Variants in DNAH17 observed in about 807,000 individuals in gnomAD.
The protein encoded by DNAH17 is dynein axonemal heavy chain 17.
DNAH17 carries 376 observed loss-of-function variants against 485.6 expected under a neutral mutation model. The observed-to-expected ratio is 0.77, with a 90% CI of 0.71 to 0.84. The LOEUF is 0.84. DNAH17 is among the 40% of genes least tolerant of loss of function. The pLI, the probability that DNAH17 is intolerant of heterozygous loss-of-function variation, is 0.00. For missense variants in DNAH17, 6,370 were observed against 5,839.3 expected (o/e 1.09, Z -2.96); for synonymous variants, 3,031 against 2,405.9 (o/e 1.26, Z -7.60).
chr17:78,567,611 G>A (rs2092288606), intron 9 of DNAH17, among the ~76,000 whole-genome samples: 1 of 152,132 alleles, frequency 6.6e-6, no homozygotes, highest in South Asian at 2.1e-4. Flanking sequence ...AGAGTGCCGT[G>A]TCCCGAAGGT....
In DNAH17 at chr17:78,553,266, C is replaced by T. The variant is rs55990639; in HGVS notation, c.2179-461G>A. Among the ~76,000 whole-genome samples, 653 of 139,154 alleles carry T rather than the reference C, an allele frequency of 4.7e-3. 5 individuals carry two copies. The highest frequency in any genetic ancestry group is 0.017 in the African/African-American group (622 of 37,170). The allele number at this position is 139,154 out of a possible 152,430, so 91.3% of individuals were successfully genotyped here. On this transcript the variant is annotated intron_variant, in intron 14 of 80. Coordinates refer to ENST00000389840, the MANE Select transcript of DNAH17 (RefSeq NM_173628.4). ...AAACCTCTTTTCTTTATAAATTACC[C>T]AGTCCCAGGTTTTTGTGTTTTTTTT...
At chr17:78,567,697 C>A (rs966988213) in intron 9 of DNAH17, among the ~76,000 whole-genome samples, 2 of 152,196 alleles carry the variant, frequency 1.3e-5, no homozygotes, top group Non-Finnish European at 2.9e-5. Flanking sequence ...CGGTGTGGCT[C>A]ATGCCCCCTC....
intron 47 of DNAH17, 105 bp from the exon 48 acceptor site, chr17:78,485,138 T>C (rs758159048): frequency 3.0e-5 from 42 of 1,407,206 alleles, no homozygotes; most frequent in Non-Finnish European, 3.8e-5. Flanking sequence ...AGGTGGGACC[T>C]GGCTGGGATC....
intron 75 of DNAH17, among the ~76,000 whole-genome samples, chr17:78,430,328 ATTC>A (rs1461065169): frequency 6.6e-6 from 1 of 151,890 alleles, no homozygotes; most frequent in Non-Finnish European, 1.5e-5. Flanking sequence ...AAGATAATTG[ATTC>A]TTTTTTGGTA....
At chr17:78,526,271 G>A (rs1007827443) in intron 24 of DNAH17, among the ~76,000 whole-genome samples, 2 of 152,222 alleles carry the variant, frequency 1.3e-5, no homozygotes, top group Non-Finnish European at 2.9e-5. Flanking sequence ...GAGATGGCAG[G>A]TGAGTATTAA....
intron 27 of DNAH17, among the ~76,000 whole-genome samples, chr17:78,508,964 C>T (rs2090562086): frequency 7.9e-6 from 1 of 126,264 alleles, no homozygotes; most frequent in African/African-American, 3.2e-5. Context: ...ATCATGTGCC[C>T]AGCTGTTTTT....
Position 78,465,582 on chromosome 17 carries a change from G to A in DNAH17, c.8940+1073C>T, listed in dbSNP as rs1217210073. 4.7e-3 allele frequency among the ~76,000 whole-genome samples: 651 copies of A among 137,746 alleles called. 4 individuals are homozygous for A. The highest frequency in any genetic ancestry group is 7.7e-3 in the Non-Finnish European group (499 of 64,492). 90.4% of individuals were successfully genotyped at this position (137,746 alleles called of 152,430 possible). On this transcript the variant is annotated intron_variant, in intron 56 of 80. Transcript: ENST00000389840. ...ATGTGGGGAGCGCCTCTGCCCCGCC[G>A]CCCCATCTGGGATGTGAGGAGCGCC...
intron 17 of DNAH17, among the ~76,000 whole-genome samples, chr17:78,542,291 G>T (rs552596231): frequency 1.3e-5 from 2 of 152,040 alleles, no homozygotes; most frequent in South Asian, 4.2e-4. Flanking sequence ...AGGATTACAG[G>T]TTCCTACCAC....
rs967287859 is a variant in DNAH17, at chr17:78,560,612, A to T, written c.2031+128T>A. On this transcript the variant is annotated intron_variant, in intron 13 of 80. Coordinates refer to ENST00000389840, the MANE Select transcript of DNAH17 (RefSeq NM_173628.4). Reference sequence around the variant, plus strand: ...CTTAAATATACCCTGGACACACTTAAGAAGTAAAGCTTTAGGCGAACTGTG... The same window carrying T: ...CTTAAATATACCCTGGACACACTTATGAAGTAAAGCTTTAGGCGAACTGTG... The T allele has an allele frequency of 1.9e-5, 20 of 1,028,280 alleles. No homozygotes were observed. In the East Asian group the frequency reaches 5.3e-4, roughly 27 times the overall value. The allele number at this position is 1,028,280 out of a possible 1,614,324, so 63.7% of individuals were successfully genotyped here. A position where few individuals can be genotyped will look rare whatever the true frequency, so the allele number is the denominator to read the frequency against.
At chr17:78,464,645 G>C (rs1247128381) in intron 56 of DNAH17, among the ~76,000 whole-genome samples, 1 of 152,264 alleles carries the variant, frequency 6.6e-6, no homozygotes. Flanking sequence ...AATGGTGTGT[G>C]CCCTTGTGTA....
intron 2 of DNAH17, among the ~76,000 whole-genome samples, chr17:78,573,794 C>T (rs560641786): frequency 2.6e-5 from 4 of 152,122 alleles, no homozygotes; most frequent in African/African-American, 9.6e-5. Context: ...CCTTCAACTT[C>T]AACCTCTAGC....
chr17:78,546,396 TTATA>T (rs1420478317), intron 16 of DNAH17, among the ~76,000 whole-genome samples: 1 of 152,156 alleles, frequency 6.6e-6, no homozygotes, highest in South Asian at 2.1e-4. Flanking sequence ...TTTAAATACT[TTATA>T]TATACTGTAA....
chr17:78,482,852 G>A lies in DNAH17; in HGVS notation c.7649+2016C>T, dbSNP rs2089411330. Among the ~76,000 whole-genome samples, 3 of 152,258 alleles carry A rather than the reference G, an allele frequency of 2.0e-5. No homozygotes were observed. The South Asian group carries it at 6.2e-4, about 32-fold the overall frequency. ...CCACCCCTCCTGAAGATCCTTCAGG[G>A]TAAACTCCAGGGCAGATGTGGACCT... On this transcript the variant is annotated intron_variant, in intron 48 of 80. Transcript: ENST00000389840.
At chr17:78,563,335 C>A (rs77733435) in intron 11 of DNAH17, among the ~76,000 whole-genome samples, 1 of 152,008 alleles carries the variant, frequency 6.6e-6, no homozygotes, top group South Asian at 2.1e-4. Flanking sequence ...CCTTCCTCCA[C>A]GGTCGCCTGC....
In DNAH17 at chr17:78,560,827, C is replaced by T. The variant is rs937532773; in HGVS notation, c.1944G>A (p.Val648=). 1.9e-6 allele frequency: 3 copies of T among 1,551,818 alleles called. No individual in the cohort carries two copies. The Admixed American group carries it at 5.9e-5, about 30-fold the overall frequency. ...EKIYQQWVAG[V]DQDCHFNLGQ... ...CCAGGTTAAAGTGGCAGTCCTGGTC[C>T]ACGCCCGCCACCCACTGCTGGTAGA... The change falls in exon 13 of 81, where the codon GTG becomes GTA. Residue 648 remains valine, a synonymous_variant. Coordinates refer to ENST00000389840, the MANE Select transcript of DNAH17 (RefSeq NM_173628.4).
At chr17:78,457,141 C>A (rs1034426267) in intron 62 of DNAH17, among the ~76,000 whole-genome samples, 1 of 152,228 alleles carries the variant, frequency 6.6e-6, no homozygotes, top group African/African-American at 2.4e-5. Flanking sequence ...GAGGCCGAGG[C>A]AGGTGGATCA....
At chr17:78,450,882 G>A (rs960985477) in intron 66 of DNAH17, 36 bp from the exon 67 acceptor site, 1 of 1,606,114 alleles carries the variant, frequency 6.2e-7, no homozygotes. Flanking sequence ...TGCATTGCCT[G>A]GCTCTGTCCA....
chr17:78,544,877 CATT>C lies in DNAH17; in HGVS notation c.2392-883_2392-881del, dbSNP rs546492956. Among the ~76,000 whole-genome samples the C allele has an allele frequency of 2.8e-3, 410 of 147,400 alleles. 1 individual carries two copies. Among genetic ancestry groups the C allele is most frequent in the African/African-American group, 9.2e-3 (368 of 40,020 alleles). On this transcript the variant is annotated intron_variant, in intron 16 of 80. Coordinates refer to ENST00000389840, the MANE Select transcript of DNAH17 (RefSeq NM_173628.4). Reference sequence around the variant, plus strand: ...TGATTTGGACTTTACTGTTATCTGTCATTAGATTTTTTTTCCCTACACATCTCC... The same window carrying C: ...TGATTTGGACTTTACTGTTATCTGTCAGATTTTTTTTCCCTACACATCTCC...
At chr17:78,540,620 G>A (rs973223981) in intron 17 of DNAH17, among the ~76,000 whole-genome samples, 1 of 133,082 alleles carries the variant, frequency 7.5e-6, no homozygotes, top group East Asian at 2.3e-4. Flanking sequence ...GAATAGAGTG[G>A]GTAGGTGTGT....
Sources: gnomAD v4.1 joint callset for allele counts (sites outside exome capture counted in the v4.1 genomes callset) on GRCh38, gnomAD v4.1.1 for gene constraint, MANE v1.5 for transcripts, NCBI Gene and HGNC (gene_info 2026-07-23, HGNC 2026-07-21) for gene names.